The following SORCS2 variants were observed in gnomAD, a reference collection of about 807,000 sequenced individuals.
The protein encoded by SORCS2 is VPS10 domain-containing receptor SorCS2.
In SORCS2, 100 loss-of-function variants were observed where a neutral mutation model predicts 141.6. The observed-to-expected ratio is 0.71, with a 90% CI of 0.60 to 0.83. The LOEUF (loss-of-function observed/expected upper bound fraction) is 0.83. SORCS2 is among the 40% of genes least tolerant of loss of function. SORCS2 has a pLI of 0.00. For missense variants in SORCS2, 1,646 were observed against 1,560.2 expected, an observed-to-expected ratio of 1.05 and a Z score of -0.93; for synonymous variants, 789 against 676.9, an observed-to-expected ratio of 1.17 and a Z score of -2.57.
At chr4:7,346,098 C>A (rs1053778866) in intron 1 of SORCS2, among the ~76,000 whole-genome samples, 1 of 152,130 alleles carries the variant, frequency 6.6e-6, no homozygotes, top group Non-Finnish European at 1.5e-5. Flanking sequence ...CTTCTACTTA[C>A]TCCAGGCTTA....
intron 1 of SORCS2, among the ~76,000 whole-genome samples, chr4:7,371,776 TC>T (rs1473318476): frequency 6.6e-6 from 1 of 152,206 alleles, no homozygotes; most frequent in African/African-American, 2.4e-5. Flanking sequence ...TGGTGTCAGC[TC>T]GCTGTGGGTC....
intron 1 of SORCS2, among the ~76,000 whole-genome samples, chr4:7,369,334 C>T (rs1560224414): frequency 6.6e-6 from 1 of 152,086 alleles, no homozygotes; most frequent in Non-Finnish European, 1.5e-5. Flanking sequence ...ACCAAAACAC[C>T]AAAAACCTCT....
intron 2 of SORCS2, among the ~76,000 whole-genome samples, chr4:7,492,544 A>G (rs1217186243): frequency 6.6e-6 from 1 of 152,084 alleles, no homozygotes; most frequent in Non-Finnish European, 1.5e-5. Flanking sequence ...TTCTGATTTT[A>G]TTTCCTTTTG....
intron 3 of SORCS2, among the ~76,000 whole-genome samples, chr4:7,635,794 C>T (rs1371789248): frequency 1.3e-5 from 2 of 152,170 alleles, no homozygotes; most frequent in South Asian, 2.1e-4. Context: ...GGACAAAAGT[C>T]GTCCAAGGAA....
intron 2 of SORCS2, among the ~76,000 whole-genome samples, chr4:7,437,120 C>T (rs751059310): frequency 2.1e-4 from 32 of 152,146 alleles, no homozygotes; most frequent in Admixed American, 1.9e-3. Flanking sequence ...TTAGCACAGA[C>T]CCCACACGTT....
intron 14 of SORCS2, among the ~76,000 whole-genome samples, chr4:7,708,591 G>A (rs929818705): frequency 6.6e-6 from 1 of 152,158 alleles, no homozygotes; most frequent in Non-Finnish European, 1.5e-5. Flanking sequence ...CACAGTCTGG[G>A]GGGCGTCTTC....
At chr4:7,483,720 C>T (rs530017442) in intron 2 of SORCS2, among the ~76,000 whole-genome samples, 15 of 151,538 alleles carry the variant, frequency 9.9e-5, no homozygotes, top group African/African-American at 3.1e-4. Context: ...TCTTGGGAAA[C>T]TGAGGCCAAA....
intron 3 of SORCS2, among the ~76,000 whole-genome samples, chr4:7,541,092 A>G (rs149213945): frequency 2.8e-4 from 42 of 152,258 alleles, no homozygotes; most frequent in African/African-American, 7.9e-4. Flanking sequence ...CTGAAAGCCA[A>G]CCCATCCTTT....
At chr4:7,639,903 G>A (rs1468756001) in intron 4 of SORCS2, among the ~76,000 whole-genome samples, 1 of 139,244 alleles carries the variant, frequency 7.2e-6, no homozygotes, top group Non-Finnish European at 1.5e-5. Flanking sequence ...GTGAAAGTGT[G>A]TTTGTGGGTG....
rs1008122021 is a variant in SORCS2 at position 7,740,923 on chromosome 4, C to T, written c.*659C>T. ...GGTGGCTCTGTCAGAGTTCCGTACT[C>T]GGGAGCCCCTTTCCCTGAGTGCCCA... On this transcript the variant is annotated 3_prime_UTR_variant, in exon 27 of 27. Coordinates refer to ENST00000507866, the MANE Select transcript of SORCS2 (RefSeq NM_020777.3). 4.3e-5 allele frequency: 17 copies of T among 397,952 alleles called. No homozygotes were observed. The highest frequency in any genetic ancestry group is 2.8e-4 in the South Asian group (2 of 7,042). The allele number at this position is 397,952 out of a possible 1,614,324, so 24.7% of individuals were successfully genotyped here.
In SORCS2 at chr4:7,433,319, C is replaced by T. The variant is rs1056786507; in HGVS notation, c.548+36964C>T. Reference sequence around the variant, plus strand: ...TGGGTCTCTGGCAGCCACGGTCACGCGTGTTCCCCAGCGTGGAGGTGCATC... The same window carrying T: ...TGGGTCTCTGGCAGCCACGGTCACGTGTGTTCCCCAGCGTGGAGGTGCATC... On this transcript the variant is annotated intron_variant, in intron 2 of 26. Coordinates refer to ENST00000507866, the MANE Select transcript of SORCS2 (RefSeq NM_020777.3). 9 of 1,406,170 alleles carry T rather than the reference C, an allele frequency of 6.4e-6. No homozygotes were observed. The highest frequency in any genetic ancestry group is 3.5e-5 in the South Asian group (2 of 56,400). 87.1% of individuals were successfully genotyped at this position (1,406,170 alleles called of 1,614,324 possible).
rs115027426 is a variant in SORCS2 at position 7,344,851 on chromosome 4, C to T, written c.481-51437C>T. ...TTATCCTTGAAAACAGCAGACTACA[C>T]GGCTGGGAGTCTGCGTGAGGAGCAC... is the stretch of plus-strand genomic sequence containing the variant. On this transcript the variant is annotated intron_variant, in intron 1 of 26. Coordinates refer to ENST00000507866, the MANE Select transcript of SORCS2 (RefSeq NM_020777.3). Among the ~76,000 whole-genome samples, 238 of 152,302 alleles carry T rather than the reference C, an allele frequency of 1.6e-3. 2 individuals are homozygous for T. Among genetic ancestry groups the T allele is most frequent in the African/African-American group, 5.3e-3 (219 of 41,564 alleles).
intron 2 of SORCS2, among the ~76,000 whole-genome samples, chr4:7,516,535 C>T (rs1696786700): frequency 6.6e-6 from 1 of 151,884 alleles, no homozygotes; most frequent in Non-Finnish European, 1.5e-5. Flanking sequence ...ATTTTATCCG[C>T]TTGCAAAACA....
intron 2 of SORCS2, among the ~76,000 whole-genome samples, chr4:7,414,574 C>T (rs1470099400): frequency 1.3e-5 from 2 of 151,822 alleles, no homozygotes; most frequent in African/African-American, 2.4e-5. Flanking sequence ...GGAAGGGGCT[C>T]GATTAACTTT....
intron 1 of SORCS2, among the ~76,000 whole-genome samples, chr4:7,377,801 C>G (rs1400540624): frequency 6.6e-6 from 1 of 152,134 alleles, no homozygotes; most frequent in African/African-American, 2.4e-5. Context: ...TGAAGGGAGC[C>G]TTCTATTTGA....
intron 1 of SORCS2, among the ~76,000 whole-genome samples, chr4:7,330,786 G>T (rs1284400893): frequency 2.0e-5 from 3 of 152,000 alleles, no homozygotes; most frequent in African/African-American, 7.2e-5. Flanking sequence ...GAACATTCCT[G>T]AGGTCTCTCA....
At chr4:7,365,590 C>G (rs751926074) in intron 1 of SORCS2, among the ~76,000 whole-genome samples, 40 of 152,180 alleles carry the variant, frequency 2.6e-4, no homozygotes, top group Non-Finnish European at 1.2e-4. Flanking sequence ...AAAACAGAGA[C>G]ACGTGGGGTC....
intron 12 of SORCS2, among the ~76,000 whole-genome samples, chr4:7,698,274 G>A (rs1200286174): frequency 2.0e-5 from 3 of 152,172 alleles, no homozygotes; most frequent in Non-Finnish European, 4.4e-5. Context: ...TTCTGTTTGA[G>A]GTCAGTGTTT....
intron 1 of SORCS2, among the ~76,000 whole-genome samples, chr4:7,235,328 A>G (rs910984936): frequency 2.6e-5 from 4 of 152,228 alleles, no homozygotes. Flanking sequence ...CTTCTTAGGC[A>G]GCCTCTACCT....
Sources: allele counts gnomAD v4.1 joint callset (sites outside exome capture counted in the v4.1 genomes callset), GRCh38; gene constraint gnomAD v4.1.1; transcripts MANE v1.5; gene names NCBI Gene and HGNC (gene_info 2026-07-23, HGNC 2026-07-21).